Variants in PRPF18 observed in about 807,000 individuals in gnomAD.
PRPF18 encodes pre-mRNA processing factor 18, also known as pre-mRNA-splicing factor 18.
A neutral mutation model predicts 46.5 loss-of-function variants in PRPF18; 38 were observed. The observed-to-expected ratio is 0.82, with a 90% confidence interval of 0.63 to 1.07. The LOEUF (loss-of-function observed/expected upper bound fraction) is 1.07, where lower values mean the gene tolerates loss of function less well. Among genes scored for constraint, PRPF18 ranks in the 50% least tolerant of loss-of-function variants. The pLI is 0.00. For missense variants in PRPF18, 263 were observed against 410.0 expected, an observed-to-expected ratio of 0.64 and a Z score of 3.10; for synonymous variants, 152 against 146.7, an observed-to-expected ratio of 1.04 and a Z score of -0.26.
At chr10:13,617,546 G>GAAAA (rs66828303) in intron 9 of PRPF18, among the ~76,000 whole-genome samples, 6,615 of 148,564 alleles carry the variant, frequency 0.045, 440 homozygotes, top group African/African-American at 0.14. Flanking sequence ...GCTTTTAGCT[G>GAAAA]AAAAAAAAAA....
chr10:13,630,294 A>C lies in PRPF18; in HGVS notation c.983A>C (p.His328Pro). Residue 328 changes from histidine (H) to proline (P), a missense_variant, in exon 10 of 10, where the codon CAC (histidine) becomes CCC (proline). By Grantham distance (77) the His-to-Pro change is moderately conservative. Around this residue, in one of 4 missense-constraint regions of PRPF18, gnomAD observed 20 missense variants for 21.5 expected, o/e 0.93. Transcript: ENST00000378572. Reference protein sequence around the residue: ...LKRLMTICQKHFPTDPSKCVE... With the variant: ...LKRLMTICQKPFPTDPSKCVE... ...AGGTTAATGACCATTTGCCAGAAAC[A>C]CTTTCCTACAGACCCATCCAAATGT... 1 of 1,612,782 alleles carries C rather than the reference A, an allele frequency of 6.2e-7. No individual in the cohort carries two copies. The highest frequency in any genetic ancestry group is 8.5e-7 in the Non-Finnish European group (1 of 1,178,782).
At chr10:13,637,479 T>G in the PRPF18 span, among the ~76,000 whole-genome samples, 1 of 152,260 alleles carries the variant, frequency 6.6e-6, no homozygotes, top group Non-Finnish European at 1.5e-5. Flanking sequence ...TGTTATCTTT[T>G]GTGAAGCTCC....
chr10:13,595,616 C>A (rs1383881138), intron 1 of PRPF18, among the ~76,000 whole-genome samples: 1 of 152,156 alleles, frequency 6.6e-6, no homozygotes, highest in Non-Finnish European at 1.5e-5. Context: ...GGGAATGTCA[C>A]CTAACCTAAT....
chr10:13,639,778 C>G, the PRPF18 span: 1 of 152,190 alleles, frequency 6.6e-6, no homozygotes, highest in Non-Finnish European at 1.5e-5. Flanking sequence ...TGTCATGAGA[C>G]TCTGCAAACC....
At chr10:13,654,012 C>G in the PRPF18 span, 2 of 328,174 alleles carry the variant, frequency 6.1e-6, no homozygotes, top group Admixed American at 8.9e-5. Flanking sequence ...CTGGCTGTTT[C>G]ACCTGCCCCA....
At chr10:13,652,087 A>AT in the PRPF18 span, 57 of 734,184 alleles carry the variant, frequency 7.8e-5, no homozygotes, top group African/African-American at 8.7e-4. Context: ...AGGCTTGCTG[A>AT]TTAGACACCT....
chr10:13,649,669 T>TGCTTCATG, the PRPF18 span: 24 of 152,380 alleles, frequency 1.6e-4, no homozygotes, highest in African/African-American at 4.8e-4. Context: ...CTATAAATGT[T>TGCTTCATG]GCTTCATGTA....
At chr10:13,605,787 A>G (rs762238969) in intron 4 of PRPF18, 43 bp downstream of exon 4, 47 of 1,554,510 alleles carry the variant, frequency 3.0e-5, no homozygotes, top group African/African-American at 1.8e-4. Context: ...ACTGTACTGC[A>G]TTCACTAGAA....
chr10:13,595,654 G>T (rs1040724743), intron 1 of PRPF18, among the ~76,000 whole-genome samples: 3 of 152,122 alleles, frequency 2.0e-5, no homozygotes, highest in Non-Finnish European at 2.9e-5. Context: ...CTAAAAAGGG[G>T]TTAATACTAT....
At chr10:13,633,138 G>A (rs561077824), downstream of PRPF18, among the ~76,000 whole-genome samples, 1 of 152,302 alleles carries the variant, frequency 6.6e-6, no homozygotes, top group South Asian at 2.1e-4. Flanking sequence ...TAAAGCTAAG[G>A]CCAAAGATAA....
In PRPF18 at chr10:13,613,839, C is replaced by A. The variant is rs758345610; in HGVS notation, c.678C>A (p.Thr226=). 1 of 1,613,772 alleles carries A rather than the reference C, an allele frequency of 6.2e-7. No homozygotes were observed. Among genetic ancestry groups the A allele is most frequent in the East Asian group, 2.2e-5 (1 of 44,872 alleles). Residue 226 remains threonine, a synonymous_variant, in exon 7 of 10, where the codon ACC becomes ACA. Transcript: ENST00000378572. The stretch of plus-strand genomic sequence containing the variant: ...TGAACAGTGCGACCCAGAAACAGAC[C>A]GAGTCCTACCTAAGACCACTTTTTA... ...GKLNSATQKQ[T]ESYLRPLFRK...
At chr10:13,635,832 TTC>T (rs981858440), downstream of PRPF18, among the ~76,000 whole-genome samples, 26 of 152,184 alleles carry the variant, frequency 1.7e-4, no homozygotes, top group Non-Finnish European at 3.5e-4. Context: ...AGGACTATAA[TTC>T]TTTTTTGATT....
At chr10:13,649,857 G>C in the PRPF18 span, among the ~76,000 whole-genome samples, 5 of 152,308 alleles carry the variant, frequency 3.3e-5, no homozygotes, top group South Asian at 1.0e-3. Flanking sequence ...CCACTAAATA[G>C]TTGCCCTAGT....
intron 9 of PRPF18, among the ~76,000 whole-genome samples, chr10:13,617,050 G>A (rs981389624): frequency 6.6e-6 from 1 of 152,184 alleles, no homozygotes; most frequent in Non-Finnish European, 1.5e-5. Context: ...CTAAAGTGCC[G>A]ATGGTTTGTT....
intron 1 of PRPF18, among the ~76,000 whole-genome samples, chr10:13,596,159 G>A (rs2133251215): frequency 6.6e-6 from 1 of 152,222 alleles, no homozygotes; most frequent in African/African-American, 2.4e-5. Context: ...TCTCAACTTG[G>A]CTGATTTTTT....
At chr10:13,647,551 G>T in the PRPF18 span, 4 of 152,132 alleles carry the variant, frequency 2.6e-5, no homozygotes, top group African/African-American at 9.7e-5. Flanking sequence ...TTCTGTCCTG[G>T]AAGAACATTC....
intron 1 of PRPF18, among the ~76,000 whole-genome samples, chr10:13,587,539 C>T (rs1249254714): frequency 6.6e-6 from 1 of 152,266 alleles, no homozygotes; most frequent in Non-Finnish European, 1.5e-5. Flanking sequence ...GCATCCCTGC[C>T]TTTCCACCAC....
intron 1 of PRPF18, chr10:13,591,623 C>A: frequency 1.6e-6 from 1 of 630,960 alleles, no homozygotes. Flanking sequence ...TTTTTCTGTG[C>A]TGAAGATCTC....
chr10:13,631,571 G>A (rs531797704), downstream of PRPF18: 93 of 152,328 alleles, frequency 6.1e-4, no homozygotes, highest in South Asian at 1.9e-3. Context: ...ATAAGAGCTC[G>A]TAAATATTAG....
Sources: gnomAD v4.1 joint callset for allele counts (sites outside exome capture counted in the v4.1 genomes callset) on GRCh38, gnomAD v4.1.1 for gene constraint, gnomAD v4.1.1 regional missense constraint, MANE v1.5 for transcripts, NCBI Gene and HGNC (gene_info 2026-07-23, HGNC 2026-07-21) for gene names.